Variants in SLC35F4 observed in about 807,000 individuals in gnomAD.
SLC35F4 encodes solute carrier family 35 member F4.
Under a neutral mutation model 44.2 loss-of-function variants are expected in SLC35F4, and 24 were observed. The ratio of observed to expected loss-of-function variants is 0.54; its 90% CI spans 0.39 to 0.76. The LOEUF (loss-of-function observed/expected upper bound fraction) is 0.76. Among genes scored for constraint, SLC35F4 ranks in the 30% least tolerant of loss-of-function variants. The pLI, the probability that SLC35F4 is intolerant of heterozygous loss-of-function variation, is 0.00. For missense variants in SLC35F4, 562 were observed against 586.1 expected (o/e 0.96, Z 0.42); for synonymous variants, 238 against 223.6 (o/e 1.06, Z -0.57).
intron 1 of SLC35F4, among the ~76,000 whole-genome samples, chr14:57,852,958 C>A (rs1886715806): frequency 1.3e-5 from 2 of 152,226 alleles, no homozygotes; most frequent in Non-Finnish European, 2.9e-5. Flanking sequence ...CTAGTGCCAT[C>A]TTGGCATTAG....
intron 3 of SLC35F4, among the ~76,000 whole-genome samples, chr14:57,584,928 C>CTG (rs2069580869): frequency 6.6e-6 from 1 of 152,160 alleles, no homozygotes; most frequent in South Asian, 2.1e-4. Flanking sequence ...ACAGGAACAA[C>CTG]TGTAGTCTGA....
At chr14:57,885,693 G>A (rs551906211) in intron 1 of SLC35F4, among the ~76,000 whole-genome samples, 27 of 152,242 alleles carry the variant, frequency 1.8e-4, no homozygotes, top group African/African-American at 4.8e-4. Context: ...AGTGGCTATT[G>A]AGTTGGACAG....
chr14:57,630,919 A>G, intron 1 of SLC35F4: 2 of 829,318 alleles, frequency 2.4e-6, no homozygotes, highest in Non-Finnish European at 2.9e-6. Flanking sequence ...GTCTCTGTAT[A>G]TTTTTGTAAA....
At chr14:57,851,321 C>T (rs144969302) in intron 1 of SLC35F4, among the ~76,000 whole-genome samples, 1 of 152,036 alleles carries the variant, frequency 6.6e-6, no homozygotes, top group African/African-American at 2.4e-5. Context: ...TATTTTATAG[C>T]CTGTACTTGT....
chr14:57,888,699 C>A (rs958412325), intron 1 of SLC35F4, among the ~76,000 whole-genome samples: 7 of 152,060 alleles, frequency 4.6e-5, no homozygotes, highest in Admixed American at 4.6e-4. Flanking sequence ...TACTTTGTTT[C>A]AAATTGGAAA....
intron 1 of SLC35F4, among the ~76,000 whole-genome samples, chr14:57,767,295 T>A (rs1039683348): frequency 3.3e-5 from 5 of 152,210 alleles, no homozygotes; most frequent in African/African-American, 1.2e-4. Flanking sequence ...TTCTTTAAAT[T>A]TGTTACATGG....
chr14:57,675,325 G>A (rs1271242619), intron 1 of SLC35F4, among the ~76,000 whole-genome samples: 2 of 151,994 alleles, frequency 1.3e-5, no homozygotes, highest in African/African-American at 4.8e-5. Context: ...AGTTAGAGGG[G>A]AAGCATAGCC....
chr14:57,591,551 C>T (rs2070179784), intron 2 of SLC35F4, among the ~76,000 whole-genome samples: 1 of 152,170 alleles, frequency 6.6e-6, no homozygotes, highest in African/African-American at 2.4e-5. Flanking sequence ...TATTATCATT[C>T]CCACTTCACA....
At chr14:57,766,552 C>A (rs1261144293) in intron 1 of SLC35F4, among the ~76,000 whole-genome samples, 1 of 152,202 alleles carries the variant, frequency 6.6e-6, no homozygotes, top group East Asian at 1.9e-4. Flanking sequence ...AGACAGCAAA[C>A]CCTAGAACCC....
intron 1 of SLC35F4, among the ~76,000 whole-genome samples, chr14:57,621,294 C>G (rs1020006761): frequency 4.7e-4 from 70 of 149,940 alleles, no homozygotes; most frequent in African/African-American, 1.4e-3. Context: ...CAATGACTTT[C>G]TTCACAGAAT....
rs1889420282 is a variant in SLC35F4, at chr14:57,920,507, AG to A, written n.282+61405del. On this transcript the variant is annotated intron_variant and non_coding_transcript_variant, in intron 1 of 1. Transcript: ENST00000556568. ...AAGATTGCTTGAGCCCAGGAGCTCA[AG>A]GCTGCAATGAGCAATGATCACACGA... 1.3e-5 allele frequency among the ~76,000 whole-genome samples: 2 copies of A among 152,210 alleles called. 1 individual carries two copies. Among genetic ancestry groups the A allele is most frequent in the Admixed American group, 1.3e-4 (2 of 15,282 alleles).
At chr14:57,638,920 AAATGGAGAG>A (rs2073116442) in intron 1 of SLC35F4, among the ~76,000 whole-genome samples, 1 of 152,078 alleles carries the variant, frequency 6.6e-6, no homozygotes, top group African/African-American at 2.4e-5. Context: ...CATACATGCA[AAATGGAGAG>A]AGACCAAGTG....
chr14:57,566,368 A>T, intron 7 of SLC35F4, 107 bp downstream of exon 7: 1 of 1,022,276 alleles, frequency 9.8e-7, no homozygotes, highest in East Asian at 2.7e-5. Flanking sequence ...TTCCCAGGCA[A>T]GGAACATAAT....
intron 1 of SLC35F4, among the ~76,000 whole-genome samples, chr14:57,753,212 A>G (rs1305944573): frequency 2.0e-5 from 3 of 152,122 alleles, no homozygotes; most frequent in African/African-American, 7.2e-5. Flanking sequence ...TGGCATGTAT[A>G]ATCTTCTTGG....
intron 1 of SLC35F4, among the ~76,000 whole-genome samples, chr14:57,719,623 G>T (rs2076033084): frequency 1.3e-5 from 2 of 149,814 alleles, no homozygotes; most frequent in African/African-American, 4.9e-5. Context: ...GTTGACTGTT[G>T]GCATAAAGAA....
chr14:57,970,606 G>C (rs17094051), intron 1 of SLC35F4, among the ~76,000 whole-genome samples: 6,637 of 152,240 alleles, frequency 0.044, 356 homozygotes, highest in East Asian at 0.25. Context: ...CAGGATACTG[G>C]AGTGATCCAT....
chr14:57,968,110 C>G (rs1327373575), intron 1 of SLC35F4, among the ~76,000 whole-genome samples: 1 of 152,046 alleles, frequency 6.6e-6, no homozygotes, highest in Non-Finnish European at 1.5e-5. Context: ...AAACTGTCAC[C>G]CTGACCTCAG....
chr14:57,961,057 C>G (rs1249348978), intron 1 of SLC35F4, among the ~76,000 whole-genome samples: 1 of 152,074 alleles, frequency 6.6e-6, no homozygotes, highest in South Asian at 2.1e-4. Flanking sequence ...GGCTCTGGCT[C>G]GTCAAGAAGA....
intron 1 of SLC35F4, among the ~76,000 whole-genome samples, chr14:57,739,187 C>T (rs767106651): frequency 2.0e-5 from 3 of 151,986 alleles, no homozygotes; most frequent in African/African-American, 4.8e-5. Flanking sequence ...AGGGTACCTC[C>T]GGGTGGTAAA....
Sources: gnomAD v4.1 joint callset for allele counts (sites outside exome capture counted in the v4.1 genomes callset) on GRCh38, gnomAD v4.1.1 for gene constraint, MANE v1.5 for transcripts, NCBI Gene and HGNC (gene_info 2026-07-23, HGNC 2026-07-21) for gene names.